TSPAN18: variants seen among roughly 807,000 people sequenced by gnomAD.
TSPAN18 encodes the protein tetraspanin 18, also known as tetraspanin-18.
In TSPAN18, 14 loss-of-function variants were observed where a neutral mutation model predicts 27.3. The observed-to-expected ratio is 0.51, with a 90% CI of 0.34 to 0.80. The LOEUF (loss-of-function observed/expected upper bound fraction) is 0.80. Ranked by LOEUF, TSPAN18 falls within the 30% of genes least tolerant of loss-of-function variation. The probability of loss-of-function intolerance (pLI) is 0.01; values close to 1 mark genes in which losing one functional copy is unlikely to be tolerated. For missense variants in TSPAN18, 268 were observed against 323.9 expected (o/e 0.83, Z 1.32); for synonymous variants, 143 against 136.5 (o/e 1.05, Z -0.33).
intron 1 of TSPAN18, among the ~76,000 whole-genome samples, chr11:44,743,690 G>T (rs1405891259): frequency 1.3e-5 from 2 of 152,212 alleles, no homozygotes; most frequent in African/African-American, 2.4e-5. Flanking sequence ...AGAGCAACAC[G>T]CAGACTCCCA....
intron 4 of TSPAN18, among the ~76,000 whole-genome samples, chr11:44,908,126 C>T (rs930641236): frequency 3.9e-5 from 6 of 151,938 alleles, no homozygotes; most frequent in Admixed American, 3.3e-4. Flanking sequence ...GCTGGCCATG[C>T]CTGTTAAGTC....
chr11:44,899,377 G>A (rs941703715), intron 3 of TSPAN18, among the ~76,000 whole-genome samples: 2 of 152,230 alleles, frequency 1.3e-5, no homozygotes, highest in African/African-American at 4.8e-5. Context: ...CCCATGGTGA[G>A]AGGTTGATGT....
intron 2 of TSPAN18, among the ~76,000 whole-genome samples, chr11:44,767,383 AAC>A (rs1855591610): frequency 6.6e-6 from 1 of 152,248 alleles, no homozygotes; most frequent in Non-Finnish European, 1.5e-5. Context: ...TAAGGACCCA[AAC>A]ACAGGGTTCC....
chr11:44,746,125 G>T (rs556689645), intron 1 of TSPAN18, among the ~76,000 whole-genome samples: 3 of 152,228 alleles, frequency 2.0e-5, no homozygotes, highest in Non-Finnish European at 2.9e-5. Context: ...TTGACACATG[G>T]CATGGTCTGG....
chr11:44,893,671 C>T (rs1446180639), intron 3 of TSPAN18, among the ~76,000 whole-genome samples: 1 of 152,224 alleles, frequency 6.6e-6, no homozygotes, highest in Non-Finnish European at 1.5e-5. Flanking sequence ...GCTCTGGGAC[C>T]TTTCTAGCCC....
At chr11:44,898,228 C>T (rs1471717190) in intron 3 of TSPAN18, among the ~76,000 whole-genome samples, 1 of 152,252 alleles carries the variant, frequency 6.6e-6, no homozygotes, top group East Asian at 1.9e-4. Flanking sequence ...GGGCACTGGG[C>T]TGGGCTTCCA....
intron 2 of TSPAN18, among the ~76,000 whole-genome samples, chr11:44,854,489 T>C (rs752332730): frequency 3.9e-5 from 6 of 152,210 alleles, no homozygotes; most frequent in Admixed American, 3.9e-4. Flanking sequence ...TAGAACTCAC[T>C]GCAAACTTTG....
At chr11:44,898,663 A>G (rs1268323494) in intron 3 of TSPAN18, among the ~76,000 whole-genome samples, 1 of 152,228 alleles carries the variant, frequency 6.6e-6, no homozygotes, top group Non-Finnish European at 1.5e-5. Flanking sequence ...GGTGCAGGGC[A>G]TCACATGGCG....
At chr11:44,804,719 G>C (rs1469670596) in intron 2 of TSPAN18, among the ~76,000 whole-genome samples, 3 of 148,036 alleles carry the variant, frequency 2.0e-5, no homozygotes, top group Non-Finnish European at 3.0e-5. Flanking sequence ...TTTAAGGTCT[G>C]GATCTAAATT....
chr11:44,902,038 G>A (rs1010025172), intron 3 of TSPAN18, among the ~76,000 whole-genome samples: 1 of 152,210 alleles, frequency 6.6e-6, no homozygotes, highest in Admixed American at 6.5e-5. Context: ...GCACGGAGCT[G>A]AAGTCAGCCA....
At chr11:44,783,029 A>G (rs551376860) in intron 2 of TSPAN18, among the ~76,000 whole-genome samples, 2 of 152,156 alleles carry the variant, frequency 1.3e-5, no homozygotes, top group Admixed American at 6.5e-5. Context: ...GCGTTTTACC[A>G]TGTTGGCCAG....
At chr11:44,861,416 G>GGGAGGT (rs926301330) in intron 3 of TSPAN18, among the ~76,000 whole-genome samples, 1 of 145,512 alleles carries the variant, frequency 6.9e-6, no homozygotes, top group Admixed American at 6.9e-5. Flanking sequence ...GTGGTGCTGA[G>GGGAGGT]GGAGGTGGTC....
intron 2 of TSPAN18, among the ~76,000 whole-genome samples, chr11:44,833,858 C>T (rs1565170155): frequency 6.6e-6 from 1 of 152,004 alleles, no homozygotes; most frequent in Non-Finnish European, 1.5e-5. Flanking sequence ...ACACCCTCCC[C>T]ATCTAATCAC....
chr11:44,778,594 T>C (rs2134941533), intron 2 of TSPAN18, among the ~76,000 whole-genome samples: 1 of 152,242 alleles, frequency 6.6e-6, no homozygotes, highest in South Asian at 2.1e-4. Flanking sequence ...ACCTGTAAAA[T>C]GGGGAGAGGG....
chr11:44,774,967 C>T (rs1281910797), intron 2 of TSPAN18, among the ~76,000 whole-genome samples: 5 of 152,172 alleles, frequency 3.3e-5, no homozygotes, highest in Non-Finnish European at 4.4e-5. Context: ...CCAGAAAGTC[C>T]GTTCAGTTGG....
intron 1 of TSPAN18, among the ~76,000 whole-genome samples, chr11:44,746,244 A>G (rs1855073600): frequency 6.6e-6 from 1 of 152,130 alleles, no homozygotes; most frequent in Non-Finnish European, 1.5e-5. Flanking sequence ...ATGAGACCCA[A>G]GACAAATGCT....
chr11:44,907,963 G>A (rs1859515450), intron 4 of TSPAN18, among the ~76,000 whole-genome samples: 1 of 151,366 alleles, frequency 6.6e-6, no homozygotes, highest in Non-Finnish European at 1.5e-5. Context: ...GCTGAGGCAG[G>A]AGAATCGTTT....
intron 3 of TSPAN18, among the ~76,000 whole-genome samples, chr11:44,895,981 A>C (rs1489136866): frequency 6.6e-6 from 1 of 152,162 alleles, no homozygotes; most frequent in Non-Finnish European, 1.5e-5. Flanking sequence ...TGGCATCTCC[A>C]AGCCTCAATT....
chr11:44,782,917 C>G (rs143102509), intron 2 of TSPAN18, among the ~76,000 whole-genome samples: 1,683 of 152,278 alleles, frequency 0.011, 14 homozygotes, highest in Non-Finnish European at 0.018. Flanking sequence ...TAGCCTCTGC[C>G]TCCTGGGTTC....
Sources: gnomAD v4.1 joint callset for allele counts (sites outside exome capture counted in the v4.1 genomes callset) on GRCh38, gnomAD v4.1.1 for gene constraint, MANE v1.5 for transcripts, NCBI Gene and HGNC (gene_info 2026-07-23, HGNC 2026-07-21) for gene names.